The following ROBO2 variants were observed in gnomAD, a reference collection of about 807,000 sequenced individuals.
The protein encoded by ROBO2 is roundabout homolog 2.
ROBO2 carries 53 observed loss-of-function variants against 160.8 expected under a neutral mutation model. The ratio of observed to expected loss-of-function variants is 0.33; its 90% CI spans 0.26 to 0.41. ROBO2 has a LOEUF of 0.41. ROBO2 is among the 10% of genes least tolerant of loss of function. ROBO2 has a pLI of 1.00. For synonymous variants in ROBO2, 664 were observed against 611.7 expected (o/e 1.09, Z -1.26); for missense variants, 1,577 against 1,722.4 (o/e 0.92, Z 1.49).
chr3:77,402,581 A>T (rs1424364602), intron 2 of ROBO2, among the ~76,000 whole-genome samples: 1 of 152,108 alleles, frequency 6.6e-6, no homozygotes, highest in East Asian at 1.9e-4. Flanking sequence ...AACTATGTGC[A>T]CTAAAAGGCA....
chr3:76,629,684 G>A (rs983337865), intron 2 of ROBO2, among the ~76,000 whole-genome samples: 2 of 152,220 alleles, frequency 1.3e-5, no homozygotes, highest in Middle Eastern at 6.8e-3. Context: ...GACACGCCCA[G>A]AAACAATACG....
chr3:77,302,801 C>T lies in ROBO2; in HGVS notation c.389-174613C>T, dbSNP rs1342849016. ...GGCAACAACAGCAGCTGGCTATGAC[C>T]TTTTTATTGAGAAAGTGACCCAGAA... is the stretch of plus-strand genomic sequence containing the variant. On this transcript the variant is annotated intron_variant, in intron 2 of 25. Coordinates refer to ENST00000461745, the Ensembl canonical transcript of ROBO2. Among the ~76,000 whole-genome samples the T allele has an allele frequency of 2.0e-5, 3 of 152,070 alleles. No homozygotes were observed. In the East Asian group the frequency reaches 5.8e-4, roughly 29 times the overall value.
intron 12 of ROBO2, among the ~76,000 whole-genome samples, chr3:77,567,087 G>GA (rs561362156): frequency 7.5e-4 from 106 of 141,320 alleles, no homozygotes; most frequent in Admixed American, 9.9e-4. Context: ...TGTTAAAAAT[G>GA]AAAAAAAAAA....
rs115115916 is a variant in ROBO2, at chr3:77,518,580, G to A, written c.807-4195G>A. Among the ~76,000 whole-genome samples the A allele has an allele frequency of 1.4e-3, 211 of 151,550 alleles. 2 individuals are homozygous for A. Among genetic ancestry groups the A allele is most frequent in the African/African-American group, 4.7e-3 (194 of 41,440 alleles). On this transcript the variant is annotated intron_variant, in intron 5 of 25. Coordinates refer to ENST00000461745, the Ensembl canonical transcript of ROBO2. ...CTGGGAAATGTGTGTTAGCTGGAGA[G>A]AGCCAAGGAGGTAGCTCTGATCTAC...
At chr3:76,465,639 GGT>G (rs1192273130) in intron 2 of ROBO2, among the ~76,000 whole-genome samples, 1 of 151,874 alleles carries the variant, frequency 6.6e-6, no homozygotes, top group Non-Finnish European at 1.5e-5. Flanking sequence ...TAATTTTGAT[GGT>G]GTCTTTCAGA....
chr3:76,257,658 A>G (rs1706484926), intron 2 of ROBO2, among the ~76,000 whole-genome samples: 1 of 151,860 alleles, frequency 6.6e-6, no homozygotes, highest in African/African-American at 2.4e-5. Flanking sequence ...TCCATATTAT[A>G]TGTGCTGATC....
At chr3:76,898,215 T>G (rs1407107536) in intron 2 of ROBO2, among the ~76,000 whole-genome samples, 2 of 152,118 alleles carry the variant, frequency 1.3e-5, no homozygotes, top group South Asian at 2.1e-4. Flanking sequence ...AAAGTTTATT[T>G]TATTTATTAA....
chr3:76,601,506 T>G (rs1257997142), intron 2 of ROBO2, among the ~76,000 whole-genome samples: 1 of 152,178 alleles, frequency 6.6e-6, no homozygotes, highest in African/African-American at 2.4e-5. Flanking sequence ...ACCCGCAGGC[T>G]CAACACCACA....
At chr3:76,077,124 A>G (rs1370963829) in intron 2 of ROBO2, among the ~76,000 whole-genome samples, 1 of 152,242 alleles carries the variant, frequency 6.6e-6, no homozygotes, top group African/African-American at 2.4e-5. Flanking sequence ...TAAATGCAGT[A>G]TGAATGGCAA....
intron 2 of ROBO2, among the ~76,000 whole-genome samples, chr3:77,028,456 CTG>C (rs2063108303): frequency 6.6e-6 from 1 of 152,154 alleles, no homozygotes; most frequent in African/African-American, 2.4e-5. Flanking sequence ...TGGCTCATGC[CTG>C]TAGTCCCAGC....
At position 76,688,882 on chromosome 3, in the gene ROBO2, A is replaced by C. The variant is rs189741081; in HGVS notation, c.110-409132A>C. The stretch of plus-strand genomic sequence containing the variant: ...CCTTTTTTAAAAACATGGTATAAAA[A>C]ATGAGTCTATCTATGAGTGATGTCT... On this transcript the variant is annotated intron_variant, in intron 2 of 26. Coordinates refer to the ROBO2 transcript ENST00000487694. 8.6e-4 allele frequency among the ~76,000 whole-genome samples: 131 copies of C among 152,108 alleles called. 1 individual carries two copies. Among genetic ancestry groups the C allele is most frequent in the African/African-American group, 3.0e-3 (126 of 41,518 alleles).
At chr3:77,570,063 C>T (rs1204313640) in intron 13 of ROBO2, among the ~76,000 whole-genome samples, 1 of 151,746 alleles carries the variant, frequency 6.6e-6, no homozygotes, top group African/African-American at 2.4e-5. Context: ...CTTTCAGTAC[C>T]CTTGAGTAGA....
intron 2 of ROBO2, among the ~76,000 whole-genome samples, chr3:76,710,267 C>T (rs1000472478): frequency 1.3e-5 from 2 of 151,964 alleles, no homozygotes; most frequent in Non-Finnish European, 2.9e-5. Flanking sequence ...ACTAGAGGTC[C>T]GCACCACCCT....
intron 2 of ROBO2, among the ~76,000 whole-genome samples, chr3:76,165,346 A>T (rs1449895656): frequency 2.9e-4 from 43 of 148,718 alleles, no homozygotes; most frequent in Middle Eastern, 3.5e-3. Context: ...CTGGCTTCCC[A>T]TTTTTTTTTT....
intron 21 of ROBO2, among the ~76,000 whole-genome samples, chr3:77,615,532 C>T (rs542506366): frequency 4.5e-4 from 68 of 152,300 alleles, no homozygotes; most frequent in Admixed American, 9.2e-4. Flanking sequence ...AACTACTCAT[C>T]TTTTTCCTGT....
chr3:76,453,723 A>G (rs899019273), intron 2 of ROBO2, among the ~76,000 whole-genome samples: 24 of 152,162 alleles, frequency 1.6e-4, no homozygotes, highest in African/African-American at 4.8e-4. Flanking sequence ...ATGGGCATGC[A>G]ATTAGGCACC....
At chr3:77,631,811 A>C (rs2095169058) in intron 23 of ROBO2, 1 of 152,146 alleles carries the variant, frequency 6.6e-6, no homozygotes. Context: ...ATCAGTATTA[A>C]AGAGAAAACT....
intron 2 of ROBO2, among the ~76,000 whole-genome samples, chr3:76,610,787 A>C (rs900329108): frequency 1.3e-5 from 2 of 152,120 alleles, no homozygotes; most frequent in African/African-American, 4.8e-5. Context: ...GAGCAGGAGC[A>C]TGTCACAGCT....
chr3:76,785,525 T>C (rs1390218437), intron 2 of ROBO2, among the ~76,000 whole-genome samples: 2 of 151,292 alleles, frequency 1.3e-5, no homozygotes, highest in South Asian at 2.1e-4. Context: ...GATTTTGTTG[T>C]AGTGCTATGG....
Sources: allele counts gnomAD v4.1 joint callset (sites outside exome capture counted in the v4.1 genomes callset), GRCh38; gene constraint gnomAD v4.1.1; transcripts MANE v1.5; gene names NCBI Gene and HGNC (gene_info 2026-07-23, HGNC 2026-07-21).